The following C12orf42 variants were observed in gnomAD, a reference collection of about 807,000 sequenced individuals.
The protein encoded by C12orf42 is chromosome 12 open reading frame 42, also known as uncharacterized protein C12orf42.
In C12orf42, 25 loss-of-function variants were observed where a neutral mutation model predicts 21.6. The ratio of observed to expected loss-of-function variants is 1.16; its 90% CI spans 0.84 to 1.62. The LOEUF (loss-of-function observed/expected upper bound fraction) is 1.62. C12orf42 is among the 40% of genes most tolerant of loss of function. The pLI is 0.00. For synonymous variants in C12orf42, 174 were observed against 175.0 expected (o/e 0.99, Z 0.05); for missense variants, 483 against 459.3 (o/e 1.05, Z -0.47).
chr12:103,081,208 A>G, the C12orf42 span: 1 of 152,224 alleles, frequency 6.6e-6, no homozygotes, highest in African/African-American at 2.4e-5. Flanking sequence ...AGCGAACATT[A>G]TATCTATGCA....
intron 1 of C12orf42, among the ~76,000 whole-genome samples, chr12:103,479,472 T>C (rs1954306736): frequency 6.6e-6 from 1 of 152,036 alleles, no homozygotes; most frequent in Non-Finnish European, 1.5e-5. Context: ...CCCAAAATAG[T>C]ATAAGTTTCA....
chr12:103,440,482 A>AAAAAAT (rs1555201300), intron 2 of C12orf42, among the ~76,000 whole-genome samples: 1 of 147,736 alleles, frequency 6.8e-6, no homozygotes, highest in Non-Finnish European at 1.5e-5. Flanking sequence ...AAAAAAAAGA[A>AAAAAAT]ACTCCTACTC....
At chr12:103,227,792 C>T in the C12orf42 span, among the ~76,000 whole-genome samples, 29 of 152,226 alleles carry the variant, frequency 1.9e-4, no homozygotes, top group African/African-American at 6.3e-4. Context: ...AGTCCATGAC[C>T]GGCGCCGGAG....
chr12:103,562,819 A>G, the C12orf42 span, among the ~76,000 whole-genome samples: 2 of 151,782 alleles, frequency 1.3e-5, no homozygotes, highest in Non-Finnish European at 2.9e-5. Flanking sequence ...TCCACACCTC[A>G]CCTCTCTATG....
At chr12:103,116,242 T>C in the C12orf42 span, among the ~76,000 whole-genome samples, 1 of 151,828 alleles carries the variant, frequency 6.6e-6, no homozygotes, top group African/African-American at 2.4e-5. Flanking sequence ...CACATGCCTA[T>C]AATCCCAGCT....
At chr12:103,150,362 A>G in the C12orf42 span, among the ~76,000 whole-genome samples, 1 of 152,238 alleles carries the variant, frequency 6.6e-6, no homozygotes, top group Non-Finnish European at 1.5e-5. Context: ...CTTCAGAAAC[A>G]TCCACACAAA....
At chr12:103,352,757 T>A (rs1054244404) in intron 4 of C12orf42, among the ~76,000 whole-genome samples, 18 of 152,124 alleles carry the variant, frequency 1.2e-4, no homozygotes, top group Admixed American at 1.0e-3. Flanking sequence ...ATTGTCTCAA[T>A]GCAACCACTT....
At chr12:103,361,271 A>G (rs1481105560) in intron 4 of C12orf42, among the ~76,000 whole-genome samples, 1 of 152,122 alleles carries the variant, frequency 6.6e-6, no homozygotes, top group Admixed American at 6.5e-5. Context: ...GAGGAACCTC[A>G]AGGTCTAGAT....
intron 4 of C12orf42, among the ~76,000 whole-genome samples, chr12:103,319,730 T>C (rs1373588112): frequency 6.6e-6 from 1 of 152,258 alleles, no homozygotes; most frequent in African/African-American, 2.4e-5. Flanking sequence ...CAAGCATTTT[T>C]CTTCCCAATA....
At chr12:103,397,546 G>A (rs933752510) in intron 3 of C12orf42, 7 of 152,308 alleles carry the variant, frequency 4.6e-5, no homozygotes, top group African/African-American at 1.7e-4. Flanking sequence ...ATCTTCTAAG[G>A]TGGAAGAGTT....
chr12:103,210,052 A>C, the C12orf42 span, among the ~76,000 whole-genome samples: 1 of 150,566 alleles, frequency 6.6e-6, no homozygotes, highest in African/African-American at 2.5e-5. Context: ...TTTCTTCCAT[A>C]CTTTTTTTTT....
At chr12:103,136,711 T>C in the C12orf42 span, among the ~76,000 whole-genome samples, 375 of 152,146 alleles carry the variant, frequency 2.5e-3, 3 homozygotes, top group African/African-American at 8.2e-3. Context: ...GAGTACACAA[T>C]CCAGAAACAA....
the C12orf42 span, among the ~76,000 whole-genome samples, chr12:103,563,753 C>T: frequency 3.3e-5 from 5 of 152,198 alleles, no homozygotes; most frequent in Admixed American, 2.6e-4. Context: ...AGTTGGGACA[C>T]AGAAAAGGAA....
the C12orf42 span, among the ~76,000 whole-genome samples, chr12:103,555,100 C>T: frequency 2.6e-5 from 4 of 152,292 alleles, no homozygotes; most frequent in Non-Finnish European, 5.9e-5. Context: ...ACCTGGGCAA[C>T]TTGTTAAAGC....
the C12orf42 span, among the ~76,000 whole-genome samples, chr12:103,213,539 G>A: frequency 6.6e-6 from 1 of 152,306 alleles, no homozygotes; most frequent in Admixed American, 6.5e-5. Flanking sequence ...CACTAGCATA[G>A]CAAAGCATAT....
upstream of C12orf42, among the ~76,000 whole-genome samples, chr12:103,500,192 A>G (rs1264538398): frequency 6.6e-6 from 1 of 152,224 alleles, no homozygotes; most frequent in Non-Finnish European, 1.5e-5. Context: ...ATGTCAGAGT[A>G]TAGATTTTGG....
At chr12:103,520,374 G>C in the C12orf42 span, among the ~76,000 whole-genome samples, 16 of 152,042 alleles carry the variant, frequency 1.1e-4, no homozygotes, top group Non-Finnish European at 4.4e-5. Context: ...ACTCCTCCCA[G>C]AATATCTATT....
At chr12:103,462,125 GA>G in intron 2 of C12orf42, among the ~76,000 whole-genome samples, 1 of 3,166 alleles carries the variant, frequency 3.2e-4, no homozygotes, top group Non-Finnish European at 8.0e-4. Context: ...TTTTTTTTTT[GA>G]GACAGAGTTT....
intron 4 of C12orf42, among the ~76,000 whole-genome samples, chr12:103,280,625 A>G (rs527248081): frequency 1.1e-4 from 16 of 152,226 alleles, no homozygotes; most frequent in African/African-American, 3.9e-4. Context: ...TCTCCACACA[A>G]AAAAAATCTT....
Sources: gnomAD v4.1 joint callset for allele counts (sites outside exome capture counted in the v4.1 genomes callset) on GRCh38, gnomAD v4.1.1 for gene constraint, MANE v1.5 for transcripts, NCBI Gene and HGNC (gene_info 2026-07-23, HGNC 2026-07-21) for gene names.